Variants in SCPEP1 observed in about 807,000 individuals in gnomAD.
SCPEP1 encodes the protein serine carboxypeptidase 1.
A neutral mutation model predicts 63.8 loss-of-function variants in SCPEP1; 51 were observed. The observed-to-expected ratio is 0.80, with a 90% CI of 0.64 to 1.01. SCPEP1 has a LOEUF of 1.01. SCPEP1 is among the 50% of genes least tolerant of loss of function. SCPEP1 has a pLI of 0.00. For missense variants in SCPEP1, 499 were observed against 554.9 expected (o/e 0.90, Z 1.01); for synonymous variants, 204 against 207.8 (o/e 0.98, Z 0.16).
rs758543581 is a variant in SCPEP1, at chr17:56,978,228, G to A, written c.69G>A (p.Leu23=). Residue 23 remains leucine (L), a synonymous_variant, in exon 1 of 13, where the codon CTG becomes CTA. Coordinates refer to ENST00000262288, the MANE Select transcript of SCPEP1 (RefSeq NM_021626.3). ...TGCTGCTGCCGCTGCTGCTGGGCCT[G>A]AACGCAGGTAGGTTCAAGCAAGAGG... ...WLLLLPLLLG[L]NAGAVIDWPT... The A allele has an allele frequency of 3.9e-6, 6 of 1,549,164 alleles. No individual in the cohort carries two copies. The East Asian group carries it at 1.4e-4, about 37-fold the overall frequency.
intron 2 of SCPEP1, 37 bp downstream of exon 2, chr17:56,981,267 C>G: frequency 6.2e-7 from 1 of 1,611,818 alleles, no homozygotes; most frequent in Non-Finnish European, 8.5e-7. Context: ...AGGTCAAAGC[C>G]AAGTCTCCTC....
intron 10 of SCPEP1, among the ~76,000 whole-genome samples, chr17:56,998,870 C>G (rs1299802043): frequency 6.6e-6 from 1 of 152,094 alleles, no homozygotes; most frequent in Non-Finnish European, 1.5e-5. Flanking sequence ...GGGAGGATTG[C>G]TTGAACCCAG....
At chr17:56,978,380 CTTTT>C in intron 1 of SCPEP1, 145 bp downstream of exon 1, 58 of 775,600 alleles carry the variant, frequency 7.5e-5, no homozygotes, top group South Asian at 2.6e-4. Flanking sequence ...GAATCTCACT[CTTTT>C]TTTTTTTTTT....
At chr17:56,998,615 T>C in intron 10 of SCPEP1, 117 bp downstream of exon 10, 1 of 728,884 alleles carries the variant, frequency 1.4e-6, no homozygotes, top group Non-Finnish European at 2.5e-6. Flanking sequence ...AGGTTATAGG[T>C]AAACAATATT....
At chr17:56,987,498 TG>T in intron 3 of SCPEP1, 196 bp from the exon 4 acceptor site, 1 of 430,576 alleles carries the variant, frequency 2.3e-6, no homozygotes, top group South Asian at 6.2e-5. Context: ...CGGGGGCGGT[TG>T]GCCTTTCTTT....
intron 1 of SCPEP1, among the ~76,000 whole-genome samples, chr17:56,979,537 G>A (rs747125188): frequency 1.3e-5 from 2 of 151,190 alleles, no homozygotes; most frequent in East Asian, 1.9e-4. Context: ...AAATTGTTAC[G>A]TTAGCAAAAA....
chr17:56,979,099 G>A (rs528170082), intron 1 of SCPEP1, among the ~76,000 whole-genome samples: 6 of 152,208 alleles, frequency 3.9e-5, no homozygotes, highest in Non-Finnish European at 7.3e-5. Context: ...AGCTAAGTCT[G>A]TAATGTTTTA....
At chr17:57,006,139 C>T in intron 12 of SCPEP1, 34 bp from the exon 13 acceptor site, 1 of 1,575,816 alleles carries the variant, frequency 6.3e-7, no homozygotes, top group South Asian at 1.1e-5. Flanking sequence ...GGAATAGCAC[C>T]AGGAGCACTA....
rs767550968 is a variant in SCPEP1 at position 56,981,238 on chromosome 17, A to G, written c.225+8A>G. On this transcript the variant is annotated splice_region_variant and intron_variant, in intron 2 of 12. Transcript: ENST00000262288. ...CTGGTCATGTGGCTTCAGGTAAAGT[A>G]GCTTCCCAGCCTGGCCTGAGGTCAA... The G allele has an allele frequency of 1.9e-6, 3 of 1,614,060 alleles. No homozygotes were observed. In the East Asian group the frequency reaches 6.7e-5, roughly 36 times the overall value.
Position 56,988,387 on chromosome 17 carries a change from C to A in SCPEP1, c.546+97C>A. ...GCTATTAAATATACTTTGAATAGGGCCATGTACATGCAGAGTACGATTAAA... is the reference window on the plus strand; with the variant it reads ...GCTATTAAATATACTTTGAATAGGGACATGTACATGCAGAGTACGATTAAA... On this transcript the variant is annotated intron_variant, in intron 5 of 12. Transcript: ENST00000262288. The A allele has an allele frequency of 4.6e-6, 4 of 863,842 alleles. No homozygotes were observed. The South Asian group carries it at 5.2e-5, about 11-fold the overall frequency. The allele number at this position is 863,842 out of a possible 1,614,324, so 53.5% of individuals were successfully genotyped here.
At chr17:56,985,238 G>A (rs1253754357) in intron 2 of SCPEP1, 140 bp from the exon 3 acceptor site, 3 of 665,476 alleles carry the variant, frequency 4.5e-6, no homozygotes, top group Non-Finnish European at 8.0e-6. Context: ...GAAGTCCCTG[G>A]TTCACTAGAG....
In SCPEP1 at chr17:56,994,992, T is replaced by A. The variant is rs1567867586; in HGVS notation, c.631T>A (p.Ser211Thr). 10 of 1,613,572 alleles carry A rather than the reference T, an allele frequency of 6.2e-6. No homozygotes were observed. Among genetic ancestry groups the A allele is most frequent in the Admixed American group, 1.7e-5 (1 of 60,018 alleles). Residue 211 changes from serine to threonine, a missense_variant, in exon 7 of 13, where the codon TCC becomes ACC. By Grantham distance (58) the Ser-to-Thr change is moderately conservative (BLOSUM62 1). Coordinates refer to ENST00000262288, the MANE Select transcript of SCPEP1 (RefSeq NM_021626.3). ...SWISPVDSVL[S>T]WGPYLYSMSL... ...GTGATTTCCTTTAGATTCGGTGCTCTCCTGGGGACCTTACCTGTACAGCAT... is the reference window on the plus strand; with the variant it reads ...GTGATTTCCTTTAGATTCGGTGCTCACCTGGGGACCTTACCTGTACAGCAT...
intron 10 of SCPEP1, 23 bp from the exon 11 acceptor site, chr17:57,000,832 T>A: frequency 6.2e-7 from 1 of 1,613,650 alleles, no homozygotes; most frequent in Non-Finnish European, 8.5e-7. Flanking sequence ...AGCTACTCCC[T>A]CTTTCTCCTT....
chr17:56,994,967 G>A lies in SCPEP1; in HGVS notation c.620-14G>A. Reference sequence around the variant, plus strand: ...TATGACATACTTGATTTGTACATATGTGATTTCCTTTAGATTCGGTGCTCT... The same window carrying A: ...TATGACATACTTGATTTGTACATATATGATTTCCTTTAGATTCGGTGCTCT... On this transcript the variant is annotated splice_polypyrimidine_tract_variant and intron_variant, in intron 6 of 12. Coordinates refer to ENST00000262288, the MANE Select transcript of SCPEP1 (RefSeq NM_021626.3). The A allele has an allele frequency of 6.2e-7, 1 of 1,609,896 alleles. No homozygotes were observed. The highest frequency in any genetic ancestry group is 1.7e-5 in the Admixed American group (1 of 60,008).
chr17:56,995,441 C>T (rs547605057), intron 7 of SCPEP1, 66 bp from the exon 8 acceptor site: 23 of 1,557,772 alleles, frequency 1.5e-5, no homozygotes, highest in Middle Eastern at 3.5e-4. Flanking sequence ...CCCTCCCTAA[C>T]TGCAGCAATA....
Position 57,002,244 on chromosome 17 carries a change from T to C in SCPEP1, c.1296+63T>C, listed in dbSNP as rs1346471639. ...CTGAGAGGGAAGCCACAGGCGGTTA[T>C]TATGCCTCTGTCCACTGCCCAGGTG... On this transcript the variant is annotated intron_variant, in intron 12 of 12. Coordinates refer to ENST00000262288, the MANE Select transcript of SCPEP1 (RefSeq NM_021626.3). The C allele has an allele frequency of 7.2e-6, 11 of 1,518,822 alleles. No individual in the cohort carries two copies. In the African/African-American group the frequency reaches 1.5e-4, roughly 21 times the overall value. The allele number at this position is 1,518,822 out of a possible 1,614,324, so 94.1% of individuals were successfully genotyped here.
chr17:56,980,951 T>A, intron 1 of SCPEP1, 131 bp from the exon 2 acceptor site: 2 of 1,010,380 alleles, frequency 2.0e-6, no homozygotes, highest in South Asian at 3.3e-5. Flanking sequence ...TCCTGCAATG[T>A]ACTGGGGTGG....
chr17:56,995,188 G>A, intron 7 of SCPEP1, 170 bp downstream of exon 7: 1 of 582,616 alleles, frequency 1.7e-6, no homozygotes, highest in Non-Finnish European at 3.0e-6. Flanking sequence ...CTCGCCTCAG[G>A]GACAAATTGA....
At chr17:57,004,135 G>C (rs1276035144) in intron 12 of SCPEP1, among the ~76,000 whole-genome samples, 1 of 152,192 alleles carries the variant, frequency 6.6e-6, no homozygotes, top group African/African-American at 2.4e-5. Flanking sequence ...GGAGGCAGAG[G>C]TTGCAGTGAG....
Sources: allele counts gnomAD v4.1 joint callset (sites outside exome capture counted in the v4.1 genomes callset), GRCh38; gene constraint gnomAD v4.1.1; transcripts MANE v1.5; gene names NCBI Gene and HGNC (gene_info 2026-07-23, HGNC 2026-07-21).